The following OGG1 variants were observed in gnomAD, a reference collection of about 807,000 sequenced individuals.
OGG1 encodes 8-oxoguanine DNA glycosylase.
A neutral mutation model predicts 42.3 loss-of-function variants in OGG1; 35 were observed. That is an observed-to-expected ratio of 0.83 (90% CI 0.63 to 1.10). OGG1 has a LOEUF of 1.10. OGG1 is among the 50% of genes least tolerant of loss of function. The pLI is 0.00. For synonymous variants in OGG1, 189 were observed against 179.0 expected (o/e 1.06, Z -0.44); for missense variants, 484 against 446.7 (o/e 1.08, Z -0.75).
chr3:9,750,518 T>A, intron 1 of OGG1, 95 bp downstream of exon 1: 1 of 1,556,372 alleles, frequency 6.4e-7, no homozygotes, highest in Non-Finnish European at 8.7e-7. Flanking sequence ...TGGGGGATGA[T>A]GGAAGAAACC....
Position 9,751,026 on chromosome 3 carries a change from C to G in OGG1, c.219C>G (p.Leu73=). 1 of 1,613,866 alleles carries G rather than the reference C, an allele frequency of 6.2e-7. No individual in the cohort carries two copies. The highest frequency in any genetic ancestry group is 8.5e-7 in the Non-Finnish European group (1 of 1,179,876). Residue 73 remains leucine (L), a synonymous_variant, in exon 2 of 7, where the codon CTC becomes CTG. Coordinates refer to ENST00000344629, the MANE Select transcript of OGG1 (RefSeq NM_002542.6). ...VWTLTQTEEQ[L]HCTVYRGDKS... ...CACTGACTCAGACTGAGGAGCAGCT[C>G]CACTGCACTGTGTACCGAGGAGACA...
chr3:9,758,247 T>C (rs932145553), downstream of OGG1: 1 of 164,312 alleles, frequency 6.1e-6, no homozygotes, highest in African/African-American at 2.4e-5. Flanking sequence ...TGAAGTAACT[T>C]GCTCAGGTGT....
chr3:9,776,744 C>A (rs1012501974), intron 2 of OGG1, among the ~76,000 whole-genome samples: 3 of 152,074 alleles, frequency 2.0e-5, no homozygotes, highest in African/African-American at 2.4e-5. Context: ...TCTAGTGTGT[C>A]CCCATTTCTG....
In OGG1 at chr3:9,750,184, A is replaced by C. The variant is rs934680265; in HGVS notation, c.-103A>C. 4 of 1,408,004 alleles carry C rather than the reference A, an allele frequency of 2.8e-6. No homozygotes were observed. Among genetic ancestry groups the C allele is most frequent in the Non-Finnish European group, 3.8e-6 (4 of 1,041,360 alleles). The allele number at this position is 1,408,004 out of a possible 1,614,324, so 87.2% of individuals were successfully genotyped here. On this transcript the variant is annotated 5_prime_UTR_variant, in exon 1 of 7. Coordinates refer to ENST00000344629, the MANE Select transcript of OGG1 (RefSeq NM_002542.6). ...GTTGTTAAACAGCACCGTGTGGGCG[A>C]GGCCTTAAGGGTCGTGGTCCTTGTC...
chr3:9,776,550 C>T (rs901672192), intron 2 of OGG1, among the ~76,000 whole-genome samples: 5 of 152,002 alleles, frequency 3.3e-5, no homozygotes, highest in Admixed American at 2.0e-4. Context: ...CCACCACGCC[C>T]GGCTAATTTG....
intron 2 of OGG1, among the ~76,000 whole-genome samples, chr3:9,777,489 C>G (rs542479451): frequency 3.9e-5 from 6 of 152,086 alleles, no homozygotes; most frequent in South Asian, 2.1e-4. Context: ...CTCTTTGAGT[C>G]TCTGTGTCAT....
chr3:9,752,086 C>T (rs2077329085), intron 3 of OGG1, 137 bp downstream of exon 3: 3 of 766,048 alleles, frequency 3.9e-6, no homozygotes, highest in Non-Finnish European at 4.4e-6. Context: ...CTGGTCTGAT[C>T]AACTCCAGTT....
At chr3:9,784,001 G>C in intron 3 of OGG1, 1 of 1,601,620 alleles carries the variant, frequency 6.2e-7, no homozygotes, top group Non-Finnish European at 8.5e-7. Flanking sequence ...GGCCACCCCC[G>C]GGACTGTGCA....
At chr3:9,760,874 T>C, downstream of OGG1, 1 of 1,514,880 alleles carries the variant, frequency 6.6e-7, no homozygotes. Context: ...TGGAAGGAGT[T>C]CCCCCTTTAT....
chr3:9,750,423 G>A lies in OGG1; in HGVS notation c.137G>A (p.Arg46Gln), dbSNP rs104893751. The A allele has an allele frequency of 3.3e-3, 5,378 of 1,613,860 alleles. 8 individuals carry two copies. The highest frequency in any genetic ancestry group is 4.1e-3 in the Non-Finnish European group (4,895 of 1,180,024). The change falls in exon 1 of 7, where the codon CGG becomes CAG. Residue 46 changes from arginine to glutamine, a missense_variant and splice_region_variant. Coordinates refer to ENST00000344629, the MANE Select transcript of OGG1 (RefSeq NM_002542.6). ...DLVLPSGQSFRWREQSPAHWS... is the reference protein window; with the variant it reads ...DLVLPSGQSFQWREQSPAHWS... Reference sequence around the variant, plus strand: ...GTTCTGCCTTCTGGACAATCTTTCCGGTGAGTGACTGAGCCTGAGAAGCCT... The same window carrying A: ...GTTCTGCCTTCTGGACAATCTTTCCAGTGAGTGACTGAGCCTGAGAAGCCT...
chr3:9,757,324 A>G lies in OGG1; in HGVS notation c.*174A>G, dbSNP rs1197191742. ...TGCACAACAAGATGGGGTGGGGGAT[A>G]TTGAGGGAGACAGCGCTAAGGATGG... On this transcript the variant is annotated 3_prime_UTR_variant, in exon 7 of 7. Coordinates refer to ENST00000344629, the MANE Select transcript of OGG1 (RefSeq NM_002542.6). The surrounding 1 kb of genome is among the most constrained non-coding windows in gnomAD (Gnocchi z 4.5). 4.3e-6 allele frequency: 7 copies of G among 1,614,150 alleles called. No homozygotes were observed. The highest frequency in any genetic ancestry group is 3.3e-4 in the Middle Eastern group (2 of 6,062).
chr3:9,784,996 A>G (rs1245463042), intron 3 of OGG1, among the ~76,000 whole-genome samples: 3 of 152,234 alleles, frequency 2.0e-5, no homozygotes, highest in Admixed American at 2.0e-4. Flanking sequence ...ATGTCATTTA[A>G]CTATATTTCT....
At position 9,757,092 on chromosome 3, in the gene OGG1, G is replaced by A. The variant is rs1243275328; in HGVS notation, c.980G>A (p.Arg327His). Residue 327 changes from arginine (R) to histidine (H), a missense_variant, in exon 7 of 7, where the codon CGC becomes CAC. Transcript: ENST00000344629. The surrounding 1 kb of genome is among the most constrained non-coding windows in gnomAD (Gnocchi z 4.5). ...VLFSADLRQS[R>H]HAQEPPAKRR... ...TTCAGTGCCGACCTGCGCCAATCCC[G>A]CCATGCTCAGGAGCCACCAGCAAAG... 9 of 1,613,936 alleles carry A rather than the reference G, an allele frequency of 5.6e-6. No homozygotes were observed. The highest frequency in any genetic ancestry group is 4.5e-5 in the East Asian group (2 of 44,896).
rs1559679809 is a variant in OGG1 at position 9,750,942 on chromosome 3, C to CAG, written c.138-2_138-1dup. 3 of 1,613,842 alleles carry CAG rather than the reference C, an allele frequency of 1.9e-6. No homozygotes were observed. The highest frequency in any genetic ancestry group is 2.5e-6 in the Non-Finnish European group (3 of 1,179,972). On this transcript the variant is annotated splice_region_variant and splice_polypyrimidine_tract_variant and intron_variant, in intron 1 of 6. Transcript: ENST00000344629. ...CCAGGGTTGTCATGTGCCTTGGGCT[C>CAG]AGGTGGAGGGAGCAAAGTCCTGCAC...
chr3:9,756,186 A>C (rs898830153), intron 4 of OGG1, among the ~76,000 whole-genome samples: 11 of 152,132 alleles, frequency 7.2e-5, no homozygotes, highest in Admixed American at 7.2e-4. Flanking sequence ...ACGTGGTGGC[A>C]CATGCCTGTA....
At chr3:9,787,289 G>C in intron 3 of OGG1, 1 of 1,614,192 alleles carries the variant, frequency 6.2e-7, no homozygotes, top group Non-Finnish European at 8.5e-7. Flanking sequence ...TGCTCCTCCA[G>C]CAGGTCCTCC....
At chr3:9,785,653 T>C (rs1318411705) in intron 3 of OGG1, among the ~76,000 whole-genome samples, 1 of 152,234 alleles carries the variant, frequency 6.6e-6, no homozygotes, top group Non-Finnish European at 1.5e-5. Flanking sequence ...GAGAAATGAT[T>C]AACACTCAAT....
intron 3 of OGG1, chr3:9,785,256 T>C (rs912152942): frequency 4.4e-6 from 6 of 1,378,760 alleles, no homozygotes; most frequent in African/African-American, 1.4e-5. Context: ...CAGGTTGAGA[T>C]GGAGAGAAGC....
chr3:9,770,986 C>G (rs530904189), downstream of OGG1, among the ~76,000 whole-genome samples: 2 of 151,888 alleles, frequency 1.3e-5, no homozygotes, highest in South Asian at 2.1e-4. Flanking sequence ...TCCTTTTTCT[C>G]TTTCTTTCTT....
Sources: allele counts gnomAD v4.1 joint callset (sites outside exome capture counted in the v4.1 genomes callset), GRCh38; gene constraint gnomAD v4.1.1; non-coding constraint Gnocchi (gnomAD v3.1); transcripts MANE v1.5; gene names NCBI Gene and HGNC (gene_info 2026-07-23, HGNC 2026-07-21).